The following NEURL4 variants were observed in gnomAD, a reference collection of about 807,000 sequenced individuals.
NEURL4 encodes the protein neuralized E3 ubiquitin protein ligase 4.
Under a neutral mutation model 148.0 loss-of-function variants are expected in NEURL4, and 45 were observed. The ratio of observed to expected loss-of-function variants is 0.30; its 90% CI spans 0.24 to 0.39. NEURL4 has a LOEUF of 0.39. NEURL4 is among the 10% of genes least tolerant of loss of function. The pLI is 1.00. For synonymous variants in NEURL4, 854 were observed against 869.0 expected, an observed-to-expected ratio of 0.98 and a Z score of 0.30; for missense variants, 1,776 against 2,144.0, an observed-to-expected ratio of 0.83 and a Z score of 3.39.
In NEURL4 at chr17:7,322,762, C is replaced by T. The variant is rs754853158; in HGVS notation, c.2698G>A (p.Glu900Lys). The T allele has an allele frequency of 2.2e-5, 35 of 1,613,088 alleles. No individual in the cohort carries two copies. Among genetic ancestry groups the T allele is most frequent in the Admixed American group, 3.3e-5 (2 of 60,000 alleles). ...NSLATSNTAT[E>K]KSFPLHSPVA... is the part of the protein sequence containing the mutation. ...GGGGAGTGCAGTGGGAAGGACTTCTCGGTGGCAGTGTTGCTGGTCGCCAGG... is the reference window on the plus strand; with the variant it reads ...GGGGAGTGCAGTGGGAAGGACTTCTTGGTGGCAGTGTTGCTGGTCGCCAGG... The change falls in exon 16 of 29, where the codon GAG (glutamate) becomes AAG (lysine). Residue 900 changes from glutamate (E) to lysine (K), a missense_variant. Coordinates refer to ENST00000399464, the MANE Select transcript of NEURL4 (RefSeq NM_032442.3). This position sits in a 1 kb window ranked among gnomAD's most constrained non-coding sequence, Gnocchi z 5.5.
At chr17:7,323,622 C>T (rs1410816661) in intron 13 of NEURL4, 25 bp downstream of exon 13, 8 of 1,613,696 alleles carry the variant, frequency 5.0e-6, no homozygotes, top group Admixed American at 1.7e-5. Flanking sequence ...TCCAACAGCC[C>T]CCAACACACA....
rs1345307449 is a variant in NEURL4 at position 7,315,745 on chromosome 17, A to C, written c.*378T>G. On this transcript the variant is annotated 3_prime_UTR_variant, in exon 29 of 29. Coordinates refer to ENST00000399464, the MANE Select transcript of NEURL4 (RefSeq NM_032442.3). ...CACTCCCGCCCGGTGGCCCCGGAAA[A>C]AGCAGCTTCATGTGGGCACAGGGAG... The C allele has an allele frequency of 2.2e-6, 1 of 457,536 alleles. No individual in the cohort carries two copies. The highest frequency in any genetic ancestry group is 3.9e-6 in the Non-Finnish European group (1 of 259,470). 28.3% of individuals were successfully genotyped at this position (457,536 alleles called of 1,614,324 possible). A position where few individuals can be genotyped will look rare whatever the true frequency, so the allele number is the denominator to read the frequency against.
At position 7,322,098 on chromosome 17, in the gene NEURL4, A is replaced by T. The variant is rs551477483; in HGVS notation, c.2726-88T>A. 432 of 1,455,216 alleles carry T rather than the reference A, an allele frequency of 3.0e-4. 1 individual carries two copies. The highest frequency in any genetic ancestry group is 3.9e-4 in the Non-Finnish European group (420 of 1,088,748). The allele number at this position is 1,455,216 out of a possible 1,614,324, so 90.1% of individuals were successfully genotyped here. On this transcript the variant is annotated intron_variant, in intron 16 of 28. Coordinates refer to ENST00000399464, the MANE Select transcript of NEURL4 (RefSeq NM_032442.3). This position sits in a 1 kb window ranked among gnomAD's most constrained non-coding sequence, Gnocchi z 5.5. ...AGAGCAAAGCTTTCAGATGAAACGA[A>T]ATGGGGATGCCAACGCCCCATCTGC...
At position 7,318,367 on chromosome 17, in the gene NEURL4, G is replaced by A; in HGVS notation, c.3865-11C>T. ...GTTCACGATTGTCACCTGCAGGGGA[G>A]AGGGTAGTCAGACAGAGCTTGGTCA... On this transcript the variant is annotated splice_polypyrimidine_tract_variant and intron_variant, in intron 23 of 28. Coordinates refer to ENST00000399464, the MANE Select transcript of NEURL4 (RefSeq NM_032442.3). This position sits in a 1 kb window ranked among gnomAD's most constrained non-coding sequence, Gnocchi z 4.3. The A allele has an allele frequency of 6.2e-7, 1 of 1,613,854 alleles. No individual in the cohort carries two copies. The highest frequency in any genetic ancestry group is 8.5e-7 in the Non-Finnish European group (1 of 1,179,778).
At position 7,327,754 on chromosome 17, in the gene NEURL4, T is replaced by C; in HGVS notation, c.413A>G (p.Asp138Gly). 1 of 1,614,068 alleles carries C rather than the reference T, an allele frequency of 6.2e-7. No individual in the cohort carries two copies. The highest frequency in any genetic ancestry group is 8.5e-7 in the Non-Finnish European group (1 of 1,180,028). ...ATACTCCTCCAACACAGAGCGTCCATCTCTCAGCACAGAGCAGCCCGACAC... is the reference window on the plus strand; with the variant it reads ...ATACTCCTCCAACACAGAGCGTCCACCTCTCAGCACAGAGCAGCCCGACAC... ...WVVSGCSVLR[D>G]GRSVLEEYGQ... Residue 138 changes from aspartate to glycine, a missense_variant, in exon 2 of 29, where the codon GAT becomes GGT. Transcript: ENST00000399464. The surrounding 1 kb of genome is among the most constrained non-coding windows in gnomAD (Gnocchi z 6.6).
At position 7,322,875 on chromosome 17, in the gene NEURL4, G is replaced by A. The variant is rs758525907; in HGVS notation, c.2594-9C>T. 5 of 1,612,264 alleles carry A rather than the reference G, an allele frequency of 3.1e-6. No individual in the cohort carries two copies. Among genetic ancestry groups the A allele is most frequent in the Admixed American group, 1.7e-5 (1 of 60,002 alleles). ...GACTACCGCATACACCTCTGGGGAGGAGAGGGAAGGTCAGAAGCCTGACAG... is the reference window on the plus strand; with the variant it reads ...GACTACCGCATACACCTCTGGGGAGAAGAGGGAAGGTCAGAAGCCTGACAG... On this transcript the variant is annotated splice_polypyrimidine_tract_variant and intron_variant, in intron 15 of 28. Transcript: ENST00000399464. This position sits in a 1 kb window ranked among gnomAD's most constrained non-coding sequence, Gnocchi z 5.5.
intron 1 of NEURL4, among the ~76,000 whole-genome samples, chr17:7,328,392 C>T (rs759229635): frequency 1.3e-5 from 2 of 152,186 alleles, no homozygotes; most frequent in Non-Finnish European, 2.9e-5. Context: ...CAGCCTCTGT[C>T]CTTCAATGGT....
At chr17:7,323,249 C>G in intron 14 of NEURL4, 126 bp from the exon 15 acceptor site, 2 of 1,053,868 alleles carry the variant, frequency 1.9e-6, no homozygotes, top group South Asian at 3.0e-5. Context: ...GTGTAAGGCC[C>G]AATCCTATCT....
Position 7,324,961 on chromosome 17 carries a change from G to A in NEURL4, c.1651C>T (p.His551Tyr). 6.2e-7 allele frequency: 1 copy of A among 1,614,044 alleles called. No homozygotes were observed. Among genetic ancestry groups the A allele is most frequent in the Non-Finnish European group, 8.5e-7 (1 of 1,179,984 alleles). Reference sequence around the variant, plus strand: ...GCTCTGCTGCTCAGCACCACGCCGTGATTGAAGTCATCGGTGGCACTGAGG... The same window carrying A: ...GCTCTGCTGCTCAGCACCACGCCGTAATTGAAGTCATCGGTGGCACTGAGG... ...LRPHATDDFNHGVVLSSRALR... is the reference protein window; with the variant it reads ...LRPHATDDFNYGVVLSSRALR... The change falls in exon 9 of 29, where the codon CAC becomes TAC. Residue 551 changes from histidine (H) to tyrosine (Y), a missense_variant. Coordinates refer to ENST00000399464, the MANE Select transcript of NEURL4 (RefSeq NM_032442.3). This position sits in a 1 kb window ranked among gnomAD's most constrained non-coding sequence, Gnocchi z 5.9.
intron 28 of NEURL4, among the ~76,000 whole-genome samples, 191 bp downstream of exon 28, chr17:7,317,012 CTT>C (rs961860015): frequency 8.5e-5 from 13 of 152,142 alleles, no homozygotes; most frequent in Non-Finnish European, 8.8e-5. Context: ...AGCAAGGTTC[CTT>C]TTTTTGCCCA....
In NEURL4 at chr17:7,326,295, G is replaced by A. The variant is rs1412610614; in HGVS notation, c.1253C>T (p.Thr418Ile). 6.2e-7 allele frequency: 1 copy of A among 1,614,136 alleles called. No homozygotes were observed. The highest frequency in any genetic ancestry group is 8.5e-7 in the Non-Finnish European group (1 of 1,180,008). ...GCGILTNGKG[T>I]RREYCEFSLD... is the part of the protein sequence containing the mutation. ...ACTGAATTCGCAGTACTCCCGGCGGGTGCCCTTGCCATTGGTCAGGATTCC... is the reference window on the plus strand; with the variant it reads ...ACTGAATTCGCAGTACTCCCGGCGGATGCCCTTGCCATTGGTCAGGATTCC... Residue 418 changes from threonine to isoleucine, a missense_variant, in exon 6 of 29, where the codon ACC becomes ATC. Coordinates refer to ENST00000399464, the MANE Select transcript of NEURL4 (RefSeq NM_032442.3). This position sits in a 1 kb window ranked among gnomAD's most constrained non-coding sequence, Gnocchi z 6.0.
Position 7,324,253 on chromosome 17 carries a change from G to A in NEURL4, c.1917C>T (p.Gly639=), listed in dbSNP as rs973390009. 6 of 1,613,850 alleles carry A rather than the reference G, an allele frequency of 3.7e-6. No individual in the cohort carries two copies. The highest frequency in any genetic ancestry group is 2.7e-5 in the African/African-American group (2 of 74,948). Residue 639 remains glycine, a synonymous_variant, in exon 11 of 29, where the codon GGC becomes GGT. Transcript: ENST00000399464. The surrounding 1 kb of genome is among the most constrained non-coding windows in gnomAD (Gnocchi z 5.9). Reference sequence around the variant, plus strand: ...GAGTCCCGTCCTCCCGCCGTACCACGCCCACCGTGTCCCCTGCCTTGGAAG... The same window carrying A: ...GAGTCCCGTCCTCCCGCCGTACCACACCCACCGTGTCCCCTGCCTTGGAAG... The part of the protein sequence containing the change: ...LDRLKAGDTV[G]VVRREDGTLH...
chr17:7,317,651 TAGAC>T (rs1377888362), intron 26 of NEURL4, 78 bp from the exon 27 acceptor site: 2 of 1,556,276 alleles, frequency 1.3e-6, no homozygotes, highest in East Asian at 2.2e-5. Flanking sequence ...GGCTCTTCCT[TAGAC>T]AGGAAGTCCC....
chr17:7,327,926 C>A lies in NEURL4; in HGVS notation c.283-42G>T. The A allele has an allele frequency of 6.9e-7, 1 of 1,448,520 alleles. No homozygotes were observed. Among genetic ancestry groups the A allele is most frequent in the Non-Finnish European group, 9.3e-7 (1 of 1,071,552 alleles). The allele number at this position is 1,448,520 out of a possible 1,614,324, so 89.7% of individuals were successfully genotyped here. A position where few individuals can be genotyped will look rare whatever the true frequency, so the allele number is the denominator to read the frequency against. On this transcript the variant is annotated intron_variant, in intron 1 of 28. Coordinates refer to ENST00000399464, the MANE Select transcript of NEURL4 (RefSeq NM_032442.3). This position sits in a 1 kb window ranked among gnomAD's most constrained non-coding sequence, Gnocchi z 6.6. ...GGACAGAGGCTTAGAATGGGCCACC[C>A]CCCATTCCACAGGCCACCATATCTT... is the stretch of plus-strand genomic sequence containing the variant.
chr17:7,321,944 G>A lies in NEURL4; in HGVS notation c.2792C>T (p.Thr931Met), dbSNP rs377527645. Reference protein sequence around the residue: ...GKNVTLEEDGTRAVRAAGYAH... With the variant: ...GKNVTLEEDGMRAVRAAGYAH... ...ATAGCCAGCGGCACGCACTGCCCTCGTGCCATCCTCCTCTAGAGTGACGTT... is the reference window on the plus strand; with the variant it reads ...ATAGCCAGCGGCACGCACTGCCCTCATGCCATCCTCCTCTAGAGTGACGTT... Residue 931 changes from threonine (T) to methionine (M), a missense_variant, in exon 17 of 29, where the codon ACG (threonine) becomes ATG (methionine). By Grantham distance (81) the Thr-to-Met change is moderately conservative (BLOSUM62 -1). Coordinates refer to ENST00000399464, the MANE Select transcript of NEURL4 (RefSeq NM_032442.3). The surrounding 1 kb of genome is among the most constrained non-coding windows in gnomAD (Gnocchi z 6.3). The A allele has an allele frequency of 4.2e-5, 67 of 1,613,786 alleles. No homozygotes were observed. Among genetic ancestry groups the A allele is most frequent in the East Asian group, 2.0e-4 (9 of 44,886 alleles).
rs1478454536 is a variant in NEURL4 at position 7,324,600 on chromosome 17, G to C, written c.1814-120C>G. On this transcript the variant is annotated intron_variant, in intron 9 of 28. Coordinates refer to ENST00000399464, the MANE Select transcript of NEURL4 (RefSeq NM_032442.3). This position sits in a 1 kb window ranked among gnomAD's most constrained non-coding sequence, Gnocchi z 5.9. ...CACCTTGCCTTTTCTTTGATGACTA[G>C]ATTTCTTCCCTGAGCAGGACAAGAA... 2.7e-6 allele frequency: 3 copies of C among 1,116,264 alleles called. No homozygotes were observed. Among genetic ancestry groups the C allele is most frequent in the Non-Finnish European group, 4.0e-6 (3 of 757,836 alleles). 69.1% of individuals were successfully genotyped at this position (1,116,264 alleles called of 1,614,324 possible).
In NEURL4 at chr17:7,327,606, A is replaced by T; in HGVS notation, c.561T>A (p.Pro187=). ...DCGVAATGLP[P]RVWAVVDLYG... ...AAAGGTCCACGACGGCCCAGACACG[A>T]GGGGGCAGGCCTGTGGCAGCCACAC... The change falls in exon 2 of 29, where the codon CCT becomes CCA. Residue 187 remains proline, a synonymous_variant. Transcript: ENST00000399464. The surrounding 1 kb of genome is among the most constrained non-coding windows in gnomAD (Gnocchi z 6.6). 1 of 1,612,546 alleles carries T rather than the reference A, an allele frequency of 6.2e-7. No individual in the cohort carries two copies. Among genetic ancestry groups the T allele is most frequent in the Non-Finnish European group, 8.5e-7 (1 of 1,179,890 alleles).
At position 7,325,462 on chromosome 17, in the gene NEURL4, G is replaced by A; in HGVS notation, c.1378C>T (p.Pro460Ser). 1 of 1,611,418 alleles carries A rather than the reference G, an allele frequency of 6.2e-7. No homozygotes were observed. Among genetic ancestry groups the A allele is most frequent in the Admixed American group, 1.7e-5 (1 of 59,846 alleles). The change falls in exon 8 of 29, where the codon CCC becomes TCC. Residue 460 changes from proline to serine, a missense_variant. Transcript: ENST00000399464. ...CCATACACCACTGGGGGCGTCAAGG[G>A]GGTTGCCACTCCTGTGGCAGGAAGG... ...INGIDQGVATPLTPPVVYGVV... is the reference protein window; with the variant it reads ...INGIDQGVATSLTPPVVYGVV...
Position 7,321,115 on chromosome 17 carries a change from C to T in NEURL4, c.3357G>A (p.Leu1119=). The part of the protein sequence containing the change: ...EEDDEGEEHG[L]GGQNEVGIIP... ...AGACCATGCTGCAGCCTCTTACTCC[C>T]AGGCCATGCTCCTCGCCCTCGTCAT... is the stretch of plus-strand genomic sequence containing the variant. The change falls in exon 20 of 29, where the codon CTG becomes CTA. Residue 1119 remains leucine, a synonymous_variant. Transcript: ENST00000399464. This position sits in a 1 kb window ranked among gnomAD's most constrained non-coding sequence, Gnocchi z 6.3. 1 of 1,613,552 alleles carries T rather than the reference C, an allele frequency of 6.2e-7. No individual in the cohort carries two copies. The highest frequency in any genetic ancestry group is 8.5e-7 in the Non-Finnish European group (1 of 1,179,832).
Sources: allele counts gnomAD v4.1 joint callset (sites outside exome capture counted in the v4.1 genomes callset), GRCh38; gene constraint gnomAD v4.1.1; non-coding constraint Gnocchi (gnomAD v3.1); transcripts MANE v1.5; gene names NCBI Gene and HGNC (gene_info 2026-07-23, HGNC 2026-07-21).